The following ECT2 variants were observed in gnomAD, a reference collection of about 807,000 sequenced individuals.
ECT2 encodes protein ECT2.
ECT2 carries 61 observed loss-of-function variants against 116.9 expected under a neutral mutation model. The observed-to-expected ratio is 0.52, with a 90% confidence interval of 0.42 to 0.65. The LOEUF is 0.65. Among genes scored for constraint, ECT2 ranks in the 30% least tolerant of loss-of-function variants. The probability of loss-of-function intolerance (pLI) is 0.00; values close to 1 mark genes in which losing one functional copy is unlikely to be tolerated. For synonymous variants in ECT2, 358 were observed against 346.4 expected (o/e 1.03, Z -0.37); for missense variants, 937 against 1,078.7 (o/e 0.87, Z 1.84).
At chr3:172,760,712 CTTTTTTTT>C (rs60727631) in intron 7 of ECT2, among the ~76,000 whole-genome samples, 14 of 76,212 alleles carry the variant, frequency 1.8e-4, no homozygotes, top group Non-Finnish European at 2.7e-4. Context: ...GTCTAAGTGC[CTTTTTTTT>C]TTTTTTTTTT....
intron 22 of ECT2, among the ~76,000 whole-genome samples, chr3:172,813,911 T>C (rs1729228150): frequency 6.6e-6 from 1 of 151,038 alleles, no homozygotes; most frequent in Non-Finnish European, 1.5e-5. Flanking sequence ...ATGAAGAACA[T>C]TTTATACGTG....
chr3:172,752,191 A>G (rs1371944162), intron 1 of ECT2: 3 of 150,328 alleles, frequency 2.0e-5, no homozygotes, highest in Non-Finnish European at 3.0e-5. Context: ...GTGCAGTGGC[A>G]CGATCTCGGC....
At chr3:172,797,429 A>G (rs1414026215) in intron 18 of ECT2, among the ~76,000 whole-genome samples, 4 of 152,128 alleles carry the variant, frequency 2.6e-5, no homozygotes, top group African/African-American at 7.2e-5. Flanking sequence ...GCATGGGTTG[A>G]TAACTCTTTG....
At position 172,754,601 on chromosome 3, in the gene ECT2, C is replaced by T; in HGVS notation, c.71C>T (p.Ser24Phe). ...TTGGCAGACTCTTCCATTTTTGATT[C>T]TAAAGTTACTGAGATTTCCAAGGAA... ...TSLADSSIFD[S>F]KVTEISKENL... The change falls in exon 2 of 25, where the codon TCT becomes TTT. Residue 24 changes from serine (S) to phenylalanine (F), a missense_variant. Physicochemically the swap from Ser to Phe is radical, Grantham distance 155 (BLOSUM62 -2). Coordinates refer to ENST00000392692, the MANE Select transcript of ECT2 (RefSeq NM_001258315.2). 3 of 1,611,414 alleles carry T rather than the reference C, an allele frequency of 1.9e-6. No individual in the cohort carries two copies. Among genetic ancestry groups the T allele is most frequent in the African/African-American group, 1.3e-5 (1 of 74,948 alleles).
At chr3:172,812,495 T>G (rs1728946054) in intron 22 of ECT2, among the ~76,000 whole-genome samples, 2 of 151,948 alleles carry the variant, frequency 1.3e-5, no homozygotes, top group South Asian at 4.1e-4. Flanking sequence ...AGCTTTCAGT[T>G]GAAAAAAAAA....
chr3:172,820,230 T>C lies in ECT2; in HGVS notation c.2738T>C (p.Leu913Ser). The change falls in exon 25 of 25, where the codon TTG becomes TCG. Residue 913 changes from leucine (L) to serine (S), a missense_variant. By Grantham distance (145) the Leu-to-Ser change is moderately radical. Coordinates refer to ENST00000392692, the MANE Select transcript of ECT2 (RefSeq NM_001258315.2). ...SHTLSRSTTH[L>S]I Reference sequence around the variant, plus strand: ...ACGTTAAGTAGATCTACAACTCATTTGATATGAAGCGTTACCAAAATCTTA... The same window carrying C: ...ACGTTAAGTAGATCTACAACTCATTCGATATGAAGCGTTACCAAAATCTTA... 6.2e-7 allele frequency: 1 copy of C among 1,600,540 alleles called. No homozygotes were observed. Among genetic ancestry groups the C allele is most frequent in the Non-Finnish European group, 8.5e-7 (1 of 1,172,870 alleles).
chr3:172,826,422 A>T (rs1364106163), downstream of ECT2, among the ~76,000 whole-genome samples: 3 of 152,206 alleles, frequency 2.0e-5, no homozygotes, highest in Admixed American at 6.5e-5. Flanking sequence ...AGCATGGTTG[A>T]CTATTTTGAG....
Position 172,755,355 on chromosome 3 carries a change from A to C in ECT2, c.191A>C (p.Glu64Ala). The C allele has an allele frequency of 6.2e-7, 1 of 1,604,912 alleles. No individual in the cohort carries two copies. The highest frequency in any genetic ancestry group is 8.5e-7 in the Non-Finnish European group (1 of 1,177,832). ...ILVQEAGKQE[E>A]LIKALKTIKI... The stretch of plus-strand genomic sequence containing the variant: ...GTTCAAGAAGCTGGAAAACAAGAAG[A>C]ACTTATAAAAGCCTTAAAGGTACGG... Residue 64 changes from glutamate (E) to alanine (A), a missense_variant, in exon 3 of 25, where the codon GAA (glutamate) becomes GCA (alanine). Transcript: ENST00000392692.
chr3:172,752,648 G>A (rs757817516), intron 1 of ECT2, among the ~76,000 whole-genome samples: 7 of 152,182 alleles, frequency 4.6e-5, no homozygotes, highest in Non-Finnish European at 7.3e-5. Flanking sequence ...CTATTGGACC[G>A]CTCCTTTGGA....
intron 18 of ECT2, among the ~76,000 whole-genome samples, chr3:172,792,313 A>G (rs1183836449): frequency 1.3e-5 from 2 of 152,226 alleles, no homozygotes; most frequent in East Asian, 3.8e-4. Context: ...GTTGCTTACA[A>G]ACGTTCAATC....
chr3:172,808,571 G>A (rs1421282186), intron 22 of ECT2, among the ~76,000 whole-genome samples: 1 of 152,086 alleles, frequency 6.6e-6, no homozygotes, highest in African/African-American at 2.4e-5. Flanking sequence ...GGTATCCCTG[G>A]ATGAAATCCA....
At chr3:172,806,678 C>T (rs1727811494) in intron 21 of ECT2, among the ~76,000 whole-genome samples, 1 of 90,652 alleles carries the variant, frequency 1.1e-5, no homozygotes, top group Non-Finnish European at 2.0e-5. Flanking sequence ...TTTGAGATGA[C>T]GTCTTAGTCT....
chr3:172,757,829 G>C (rs1368417205), intron 5 of ECT2, among the ~76,000 whole-genome samples: 1 of 151,802 alleles, frequency 6.6e-6, no homozygotes, highest in Admixed American at 6.6e-5. Flanking sequence ...CAGATACCAC[G>C]GTTCCATTTT....
the ECT2 span, among the ~76,000 whole-genome samples, chr3:172,826,909 A>C: frequency 6.6e-6 from 1 of 152,252 alleles, no homozygotes; most frequent in East Asian, 1.9e-4. Flanking sequence ...CAAGGAATTA[A>C]TAATCAGAAT....
intron 22 of ECT2, 103 bp from the exon 23 acceptor site, chr3:172,815,501 A>G (rs1165727294): frequency 1.5e-6 from 1 of 664,334 alleles, no homozygotes; most frequent in Non-Finnish European, 2.5e-6. Flanking sequence ...AGTCTTGAGT[A>G]GCTTCATTTA....
chr3:172,762,204 G>A (rs543063163), intron 8 of ECT2, among the ~76,000 whole-genome samples: 1 of 152,192 alleles, frequency 6.6e-6, no homozygotes, highest in African/African-American at 2.4e-5. Flanking sequence ...GCTTATCTGT[G>A]ATCACATTTT....
At chr3:172,808,195 TTGTAA>T (rs1728117521) in intron 22 of ECT2, among the ~76,000 whole-genome samples, 1 of 152,118 alleles carries the variant, frequency 6.6e-6, no homozygotes, top group South Asian at 2.1e-4. Flanking sequence ...TTGGGACTTC[TTGTAA>T]TGTACCCTGT....
chr3:172,815,593 T>C lies in ECT2; in HGVS notation c.2401-11T>C, dbSNP rs747919165. On this transcript the variant is annotated splice_polypyrimidine_tract_variant and intron_variant, in intron 22 of 24. Coordinates refer to ENST00000392692, the MANE Select transcript of ECT2 (RefSeq NM_001258315.2). Reference sequence around the variant, plus strand: ...GTTTTTAAGATAACAAAAAGTATTATTTTTCAATAGGAGAATCTTATTTAT... The same window carrying C: ...GTTTTTAAGATAACAAAAAGTATTACTTTTCAATAGGAGAATCTTATTTAT... 6.6e-7 allele frequency: 1 copy of C among 1,506,778 alleles called. No individual in the cohort carries two copies. Among genetic ancestry groups the C allele is most frequent in the Non-Finnish European group, 9.0e-7 (1 of 1,105,322 alleles). The allele number at this position is 1,506,778 out of a possible 1,614,324, so 93.3% of individuals were successfully genotyped here.
intron 24 of ECT2, among the ~76,000 whole-genome samples, chr3:172,817,646 CA>C (rs1729982333): frequency 6.6e-6 from 1 of 151,866 alleles, no homozygotes; most frequent in Non-Finnish European, 1.5e-5. Flanking sequence ...CTGAACAATC[CA>C]AATTTCCAAC....
Sources: allele counts gnomAD v4.1 joint callset (sites outside exome capture counted in the v4.1 genomes callset), GRCh38; gene constraint gnomAD v4.1.1; transcripts MANE v1.5; gene names NCBI Gene and HGNC (gene_info 2026-07-23, HGNC 2026-07-21).